Variants in ZFPM2 observed in about 807,000 individuals in gnomAD.
ZFPM2 encodes zinc finger protein, FOG family member 2, also known as zinc finger protein ZFPM2.
A neutral mutation model predicts 98.6 loss-of-function variants in ZFPM2; 20 were observed. That is an observed-to-expected ratio of 0.20 (90% CI 0.14 to 0.29). The LOEUF is 0.29. ZFPM2 is among the 10% of genes least tolerant of loss of function. The pLI, the probability that ZFPM2 is intolerant of heterozygous loss-of-function variation, is 1.00. For synonymous variants in ZFPM2, 518 were observed against 502.7 expected, an observed-to-expected ratio of 1.03 and a Z score of -0.41; for missense variants, 1,310 against 1,388.6, an observed-to-expected ratio of 0.94 and a Z score of 0.90.
At chr8:105,370,816 C>T (rs971526559) in intron 1 of ZFPM2, among the ~76,000 whole-genome samples, 4 of 152,170 alleles carry the variant, frequency 2.6e-5, no homozygotes, top group African/African-American at 9.7e-5. Context: ...GTAATTTGCT[C>T]AAAGGAATCT....
intron 4 of ZFPM2, among the ~76,000 whole-genome samples, chr8:105,632,833 T>C (rs1816777897): frequency 6.6e-6 from 1 of 152,184 alleles, no homozygotes; most frequent in African/African-American, 2.4e-5. Flanking sequence ...TATTAAAGAT[T>C]AATGTATTAG....
At chr8:105,703,316 T>C (rs1811180608) in intron 5 of ZFPM2, among the ~76,000 whole-genome samples, 1 of 152,144 alleles carries the variant, frequency 6.6e-6, no homozygotes, top group Non-Finnish European at 1.5e-5. Context: ...CATTTCTTTA[T>C]ATACTGAGGT....
chr8:105,409,304 A>G (rs1416827105), intron 1 of ZFPM2, among the ~76,000 whole-genome samples: 5 of 151,944 alleles, frequency 3.3e-5, no homozygotes, highest in African/African-American at 1.2e-4. Flanking sequence ...ATTCTTTAGT[A>G]AAACAACATC....
intron 4 of ZFPM2, among the ~76,000 whole-genome samples, chr8:105,622,909 T>A (rs1173509971): frequency 6.6e-6 from 1 of 152,090 alleles, no homozygotes; most frequent in Non-Finnish European, 1.5e-5. Flanking sequence ...AAATATACAG[T>A]TTTTCTTTTA....
At chr8:105,498,027 CAA>C (rs1195802124) in intron 3 of ZFPM2, among the ~76,000 whole-genome samples, 12 of 61,906 alleles carry the variant, frequency 1.9e-4, no homozygotes, top group African/African-American at 2.7e-4. Flanking sequence ...CCGTCTCTAC[CAA>C]AAAAAAAAAA....
chr8:105,385,360 CTT>C (rs1434408535), intron 1 of ZFPM2, among the ~76,000 whole-genome samples: 1 of 152,178 alleles, frequency 6.6e-6, no homozygotes, highest in Non-Finnish European at 1.5e-5. Context: ...TTGGGCTTCT[CTT>C]GAGCAACTAC....
At chr8:105,658,105 A>G (rs1435709328) in intron 5 of ZFPM2, among the ~76,000 whole-genome samples, 3 of 152,104 alleles carry the variant, frequency 2.0e-5, no homozygotes, top group Admixed American at 6.5e-5. Flanking sequence ...ATCAACAGCA[A>G]TGGATTCTTC....
intron 5 of ZFPM2, among the ~76,000 whole-genome samples, chr8:105,700,934 A>T (rs1362564890): frequency 2.0e-5 from 3 of 152,138 alleles, no homozygotes; most frequent in Non-Finnish European, 2.9e-5. Context: ...TAAATTTTTT[A>T]AATTACATTT....
intron 1 of ZFPM2, among the ~76,000 whole-genome samples, chr8:105,377,773 C>G (rs758876594): frequency 1.8e-4 from 28 of 152,200 alleles, no homozygotes; most frequent in Middle Eastern, 3.4e-3. Context: ...GATCAATACT[C>G]TGTCTCAAAA....
chr8:105,323,736 T>A (rs1172720160), intron 1 of ZFPM2, among the ~76,000 whole-genome samples: 1 of 151,890 alleles, frequency 6.6e-6, no homozygotes, highest in Non-Finnish European at 1.5e-5. Context: ...AAAGTTTACC[T>A]GTAAAAGATC....
At chr8:105,365,038 T>C (rs1226109218) in intron 1 of ZFPM2, among the ~76,000 whole-genome samples, 1 of 152,160 alleles carries the variant, frequency 6.6e-6, no homozygotes, top group Non-Finnish European at 1.5e-5. Context: ...AGCCCCAAAC[T>C]TCCTTATTAC....
intron 4 of ZFPM2, among the ~76,000 whole-genome samples, chr8:105,605,684 A>T (rs890170794): frequency 1.3e-5 from 2 of 152,064 alleles, no homozygotes; most frequent in African/African-American, 4.8e-5. Flanking sequence ...TATCAGCCTG[A>T]TTGGTTTCTC....
At chr8:105,769,706 T>C (rs1003936704) in intron 5 of ZFPM2, among the ~76,000 whole-genome samples, 2 of 152,070 alleles carry the variant, frequency 1.3e-5, no homozygotes, top group African/African-American at 4.8e-5. Context: ...TTATAAAACA[T>C]AACCACAATT....
At chr8:105,586,808 C>T (rs1586481174) in intron 4 of ZFPM2, among the ~76,000 whole-genome samples, 1 of 148,768 alleles carries the variant, frequency 6.7e-6, no homozygotes, top group African/African-American at 2.4e-5. Context: ...ATCCTTTAGG[C>T]CACTATATAT....
At chr8:105,727,502 G>T (rs1352451163) in intron 5 of ZFPM2, among the ~76,000 whole-genome samples, 1 of 151,706 alleles carries the variant, frequency 6.6e-6, no homozygotes, top group Non-Finnish European at 1.5e-5. Flanking sequence ...ATGAAATAAA[G>T]TTTTACTCCC....
chr8:105,603,813 C>T (rs956415966), intron 4 of ZFPM2, among the ~76,000 whole-genome samples: 2 of 152,008 alleles, frequency 1.3e-5, no homozygotes, highest in African/African-American at 2.4e-5. Flanking sequence ...ATTTTATCTA[C>T]TCCATCAGTC....
chr8:105,506,982 C>T (rs215400), intron 3 of ZFPM2, among the ~76,000 whole-genome samples: 83,172 of 140,118 alleles, frequency 0.59, 26,370 homozygotes, highest in African/African-American at 0.82. Context: ...AGCCAGACTC[C>T]GTCTCCAAAA....
At chr8:105,788,272 G>A (rs1258915506) in intron 5 of ZFPM2, among the ~76,000 whole-genome samples, 1 of 152,042 alleles carries the variant, frequency 6.6e-6, no homozygotes, top group African/African-American at 2.4e-5. Context: ...TATTTCATGG[G>A]GGGAAAAGAA....
intron 5 of ZFPM2, among the ~76,000 whole-genome samples, chr8:105,667,138 C>T (rs2130897059): frequency 6.6e-6 from 1 of 152,216 alleles, no homozygotes; most frequent in African/African-American, 2.4e-5. Flanking sequence ...GAAAAGAAGC[C>T]TATCGCTTCA....
Sources: gnomAD v4.1 joint callset for allele counts (sites outside exome capture counted in the v4.1 genomes callset) on GRCh38, gnomAD v4.1.1 for gene constraint, MANE v1.5 for transcripts, NCBI Gene and HGNC (gene_info 2026-07-23, HGNC 2026-07-21) for gene names.